MOB3B: variants seen among roughly 807,000 people sequenced by gnomAD.
MOB3B encodes MOB kinase activator 3B, also known as MOB kinase activator-like 2B.
Under a neutral mutation model 18.7 loss-of-function variants are expected in MOB3B, and 7 were observed. That is an observed-to-expected ratio of 0.37 (90% confidence interval 0.21 to 0.70). The LOEUF is 0.70. Ranked by LOEUF, MOB3B falls within the 30% of genes least tolerant of loss-of-function variation. MOB3B has a pLI of 0.52. For missense variants in MOB3B, 253 were observed against 281.3 expected (o/e 0.90, Z 0.72); for synonymous variants, 111 against 99.9 (o/e 1.11, Z -0.66).
At chr9:27,412,304 C>T (rs1431846922) in intron 2 of MOB3B, among the ~76,000 whole-genome samples, 1 of 147,454 alleles carries the variant, frequency 6.8e-6, no homozygotes, top group Non-Finnish European at 1.5e-5. Context: ...CTTTCCTTTC[C>T]TGGAGATTCT....
In MOB3B at chr9:27,325,291, T is replaced by C. The variant is rs938336366; in HGVS notation, c.*5296A>G. On this transcript the variant is annotated 3_prime_UTR_variant, in exon 4 of 4. Coordinates refer to ENST00000262244, the MANE Select transcript of MOB3B (RefSeq NM_024761.5). ...ATTTCCTAAATATCATTTAATTTTATGTTGCTTTTCTAATTGATTTAATTG... is the reference window on the plus strand; with the variant it reads ...ATTTCCTAAATATCATTTAATTTTACGTTGCTTTTCTAATTGATTTAATTG... The C allele has an allele frequency of 3.3e-5, 5 of 152,246 alleles. No individual in the cohort carries two copies. Among genetic ancestry groups the C allele is most frequent in the Admixed American group, 2.0e-4 (3 of 15,292 alleles). 9.4% of individuals were successfully genotyped at this position (152,246 alleles called of 1,614,324 possible).
At chr9:27,410,594 C>G (rs147950137) in intron 2 of MOB3B, among the ~76,000 whole-genome samples, 124 of 152,180 alleles carry the variant, frequency 8.1e-4, no homozygotes, top group African/African-American at 2.9e-3. Flanking sequence ...AAGCTGACCA[C>G]TCCAGGGTTA....
intron 1 of MOB3B, among the ~76,000 whole-genome samples, chr9:27,480,362 C>T (rs1406028232): frequency 2.6e-5 from 4 of 151,548 alleles, no homozygotes; most frequent in African/African-American, 9.7e-5. Flanking sequence ...TGCAGTGACG[C>T]GATCTCGGCT....
chr9:27,520,397 T>C (rs564703311), intron 1 of MOB3B, among the ~76,000 whole-genome samples: 2 of 152,382 alleles, frequency 1.3e-5, no homozygotes, highest in Admixed American at 1.3e-4. Flanking sequence ...CATGTTAGCA[T>C]GTCAGTGCAT....
At chr9:27,519,298 C>A (rs1820289273) in intron 1 of MOB3B, among the ~76,000 whole-genome samples, 1 of 152,158 alleles carries the variant, frequency 6.6e-6, no homozygotes, top group African/African-American at 2.4e-5. Flanking sequence ...CAGGCGAGGT[C>A]TGGTGAGCCA....
chr9:27,371,069 AC>A (rs2131367004), intron 2 of MOB3B, among the ~76,000 whole-genome samples: 1 of 152,344 alleles, frequency 6.6e-6, no homozygotes, highest in South Asian at 2.1e-4. Context: ...ATTGTATTGT[AC>A]ATTTGCATTG....
intron 2 of MOB3B, among the ~76,000 whole-genome samples, chr9:27,401,560 G>A (rs77321022): frequency 5.6e-4 from 86 of 152,270 alleles, no homozygotes; most frequent in African/African-American, 1.7e-3. Context: ...CAACTCCACA[G>A]GTATATTACC....
At chr9:27,467,012 C>A (rs1819394570) in intron 1 of MOB3B, among the ~76,000 whole-genome samples, 1 of 152,130 alleles carries the variant, frequency 6.6e-6, no homozygotes, top group Admixed American at 6.5e-5. Context: ...GATGATTTCT[C>A]ATTTTTCTAC....
chr9:27,371,283 G>A (rs960274817), intron 2 of MOB3B, among the ~76,000 whole-genome samples: 10 of 152,322 alleles, frequency 6.6e-5, no homozygotes, highest in East Asian at 1.9e-4. Flanking sequence ...CAACTTGAGC[G>A]GGGCTTTGCA....
intron 1 of MOB3B, among the ~76,000 whole-genome samples, chr9:27,503,798 C>G (rs1820021687): frequency 6.6e-6 from 1 of 152,192 alleles, no homozygotes; most frequent in African/African-American, 2.4e-5. Context: ...TTAGAGAGAG[C>G]CACCGCCCTG....
chr9:27,469,132 G>T (rs1587238238), intron 1 of MOB3B, among the ~76,000 whole-genome samples: 1 of 152,086 alleles, frequency 6.6e-6, no homozygotes, highest in Admixed American at 6.6e-5. Flanking sequence ...ATCAACTTGG[G>T]AATTTTTCTT....
intron 1 of MOB3B, among the ~76,000 whole-genome samples, chr9:27,522,749 T>C (rs2131509008): frequency 6.6e-6 from 1 of 152,196 alleles, no homozygotes; most frequent in Non-Finnish European, 1.5e-5. Context: ...ATTATGTACA[T>C]TTTTAAGGCT....
chr9:27,342,411 C>A (rs1051215856), intron 3 of MOB3B, among the ~76,000 whole-genome samples: 1 of 152,080 alleles, frequency 6.6e-6, no homozygotes, highest in Admixed American at 6.5e-5. Flanking sequence ...TGCCTATAGT[C>A]CCTTAGAACT....
rs1038239031 is a variant in MOB3B at position 27,529,541 on chromosome 9, G to A, written c.-199+14C>T. Reference sequence around the variant, plus strand: ...TGCGCCGCCTCCCCTAGCTTGGAGCGGGTTCTTACTCACCGTGGGGTTTTA... The same window carrying A: ...TGCGCCGCCTCCCCTAGCTTGGAGCAGGTTCTTACTCACCGTGGGGTTTTA... On this transcript the variant is annotated intron_variant, in intron 1 of 3. Coordinates refer to ENST00000262244, the MANE Select transcript of MOB3B (RefSeq NM_024761.5). 3.0e-6 allele frequency: 3 copies of A among 985,040 alleles called. No homozygotes were observed. Among genetic ancestry groups the A allele is most frequent in the Non-Finnish European group, 3.6e-6 (3 of 829,582 alleles). 61.0% of individuals were successfully genotyped at this position (985,040 alleles called of 1,614,324 possible).
intron 1 of MOB3B, among the ~76,000 whole-genome samples, chr9:27,514,959 C>T (rs185995566): frequency 6.6e-6 from 1 of 152,326 alleles, no homozygotes; most frequent in East Asian, 1.9e-4. Flanking sequence ...TGAAGGCCCA[C>T]AGGAGAAATT....
intron 1 of MOB3B, among the ~76,000 whole-genome samples, chr9:27,468,100 T>TA (rs1819413652): frequency 6.6e-6 from 1 of 152,196 alleles, no homozygotes; most frequent in South Asian, 2.1e-4. Context: ...AGACATAACT[T>TA]ACTCATCTGC....
intron 3 of MOB3B, 195 bp downstream of exon 3, chr9:27,358,839 G>T: frequency 1.3e-6 from 1 of 756,550 alleles, no homozygotes; most frequent in Non-Finnish European, 2.4e-6. Flanking sequence ...GGGTAATCTC[G>T]GACACTTATT....
At position 27,471,025 on chromosome 9, in the gene MOB3B, G is replaced by A. The variant is rs151252019; in HGVS notation, c.-198-15277C>T. 3.4e-4 allele frequency among the ~76,000 whole-genome samples: 52 copies of A among 152,190 alleles called. 1 individual carries two copies. Among genetic ancestry groups the A allele is most frequent in the African/African-American group, 1.2e-3 (49 of 41,504 alleles). On this transcript the variant is annotated intron_variant, in intron 1 of 3. Transcript: ENST00000262244. ...TTCTCACCCTGAACCATCTGTCCACGGACTAACTAGTAAGTTCCCTCTGGG... is the reference window on the plus strand; with the variant it reads ...TTCTCACCCTGAACCATCTGTCCACAGACTAACTAGTAAGTTCCCTCTGGG...
rs972156293 is a variant in MOB3B at position 27,327,367 on chromosome 9, C to T, written c.*3220G>A. 6.6e-6 allele frequency: 1 copy of T among 152,078 alleles called. No individual in the cohort carries two copies. Among genetic ancestry groups the T allele is most frequent in the African/African-American group, 2.4e-5 (1 of 41,392 alleles). 9.4% of individuals were successfully genotyped at this position (152,078 alleles called of 1,614,324 possible). On this transcript the variant is annotated 3_prime_UTR_variant, in exon 4 of 4. Transcript: ENST00000262244. Reference sequence around the variant, plus strand: ...TAATATCAGAAAAGAGACAAGTAGACATTATGTGCTTCCTGAGGTGAGGCA... The same window carrying T: ...TAATATCAGAAAAGAGACAAGTAGATATTATGTGCTTCCTGAGGTGAGGCA...
Sources: gnomAD v4.1 joint callset for allele counts (sites outside exome capture counted in the v4.1 genomes callset) on GRCh38, gnomAD v4.1.1 for gene constraint, MANE v1.5 for transcripts, NCBI Gene and HGNC (gene_info 2026-07-23, HGNC 2026-07-21) for gene names.